The following LANCL1 variants were observed in gnomAD, a reference collection of about 807,000 sequenced individuals.
LANCL1 encodes LanC like glutathione S-transferase 1, also known as glutathione S-transferase LANCL1.
A neutral mutation model predicts 50.6 loss-of-function variants in LANCL1; 50 were observed. The ratio of observed to expected loss-of-function variants is 0.99; its 90% CI spans 0.79 to 1.25. The LOEUF is 1.25. Ranked by LOEUF, LANCL1 falls within the 50% of genes most tolerant of loss-of-function variation. The probability of loss-of-function intolerance (pLI) is 0.00; values close to 1 mark genes in which losing one functional copy is unlikely to be tolerated. For synonymous variants in LANCL1, 188 were observed against 178.6 expected, an observed-to-expected ratio of 1.05 and a Z score of -0.42; for missense variants, 532 against 480.7, an observed-to-expected ratio of 1.11 and a Z score of -1.00.
At chr2:210,446,026 G>A (rs1451662799) in intron 4 of LANCL1, among the ~76,000 whole-genome samples, 1 of 152,194 alleles carries the variant, frequency 6.6e-6, no homozygotes, top group East Asian at 1.9e-4. Context: ...GGTGGCTGTG[G>A]GCACAACTTC....
rs1046950319 is a variant in LANCL1 at position 210,453,095 on chromosome 2, C to T, written c.407+2012G>A. Among the ~76,000 whole-genome samples the T allele has an allele frequency of 3.9e-5, 6 of 152,066 alleles. No homozygotes were observed. In the East Asian group the frequency reaches 1.2e-3, roughly 29 times the overall value. Reference sequence around the variant, plus strand: ...ATAAAATAAAAAATCTGAAAAAAATCAAAGCTATAGCCACAAATAGTGTAT... The same window carrying T: ...ATAAAATAAAAAATCTGAAAAAAATTAAAGCTATAGCCACAAATAGTGTAT... On this transcript the variant is annotated intron_variant, in intron 4 of 9. Coordinates refer to ENST00000450366, the MANE Select transcript of LANCL1 (RefSeq NM_006055.3).
chr2:210,476,536 G>A, intron 1 of LANCL1, 84 bp downstream of exon 1: 1 of 1,411,954 alleles, frequency 7.1e-7, no homozygotes, highest in Non-Finnish European at 9.3e-7. Flanking sequence ...CGTCTCGGCG[G>A]TCCGAGTGGA....
rs75174340 is a variant in LANCL1, at chr2:210,441,354, T to C, written c.497A>G (p.Asn166Ser). The change falls in exon 5 of 10, where the codon AAT (asparagine) becomes AGT (serine). Residue 166 changes from asparagine (N) to serine (S), a missense_variant. Coordinates refer to ENST00000450366, the MANE Select transcript of LANCL1 (RefSeq NM_006055.3). ...IGYIYALLFV[N>S]KNFGVEKIPQ... ...AATCTTTTCCACTCCAAAGTTCTTA[T>C]TGACAAAAAGAAGAGCATAGATGTA... 6 of 1,613,596 alleles carry C rather than the reference T, an allele frequency of 3.7e-6. No homozygotes were observed. Among genetic ancestry groups the C allele is most frequent in the Admixed American group, 1.7e-5 (1 of 60,004 alleles).
chr2:210,436,688 T>C (rs1299544793), intron 7 of LANCL1, among the ~76,000 whole-genome samples: 1 of 152,224 alleles, frequency 6.6e-6, no homozygotes, highest in Non-Finnish European at 1.5e-5. Flanking sequence ...CTTGCTCTTA[T>C]CATGAGTGAC....
At chr2:210,437,028 G>A (rs182546099) in intron 7 of LANCL1, among the ~76,000 whole-genome samples, 58 of 152,214 alleles carry the variant, frequency 3.8e-4, no homozygotes, top group African/African-American at 1.3e-3. Context: ...AGATGCCAGC[G>A]CCCAGCGATA....
intron 4 of LANCL1, among the ~76,000 whole-genome samples, chr2:210,446,245 C>A (rs2105898030): frequency 6.6e-6 from 1 of 152,092 alleles, no homozygotes; most frequent in African/African-American, 2.4e-5. Context: ...CCCTCTGGGA[C>A]AAAGCTTCCA....
intron 3 of LANCL1, among the ~76,000 whole-genome samples, chr2:210,467,467 T>C (rs1694101775): frequency 6.6e-6 from 1 of 152,206 alleles, no homozygotes. Flanking sequence ...TTTATAATGA[T>C]CCACTTCCAC....
chr2:210,436,399 A>C lies in LANCL1; in HGVS notation c.874-7T>G, dbSNP rs968931944. The stretch of plus-strand genomic sequence containing the variant: ...ACTTTTCCTCTCTGAATACCTGCAG[A>C]GGCAAAGGACACATTTTATTATACG... On this transcript the variant is annotated splice_region_variant and splice_polypyrimidine_tract_variant and intron_variant, in intron 7 of 9. Transcript: ENST00000450366. 2.5e-6 allele frequency: 4 copies of C among 1,613,276 alleles called. No individual in the cohort carries two copies. In the South Asian group the frequency reaches 4.4e-5, roughly 18 times the overall value.
At chr2:210,446,871 C>T (rs77344165) in intron 4 of LANCL1, among the ~76,000 whole-genome samples, 1 of 151,854 alleles carries the variant, frequency 6.6e-6, no homozygotes, top group Admixed American at 6.6e-5. Flanking sequence ...ATCAAACCTA[C>T]ATTTGCTGTA....
At chr2:210,435,219 G>GTAT (rs1279136900) in intron 9 of LANCL1, among the ~76,000 whole-genome samples, 168 bp downstream of exon 9, 1 of 152,132 alleles carries the variant, frequency 6.6e-6, no homozygotes, top group Admixed American at 6.5e-5. Context: ...TGGGACTGTG[G>GTAT]TATTACATGT....
At chr2:210,438,385 T>C (rs939972116) in intron 6 of LANCL1, among the ~76,000 whole-genome samples, 3 of 152,300 alleles carry the variant, frequency 2.0e-5, no homozygotes, top group Non-Finnish European at 4.4e-5. Flanking sequence ...TCCGCCCACC[T>C]TGGCCTCCCA....
At chr2:210,434,649 C>CA in intron 9 of LANCL1, 86 bp from the exon 10 acceptor site, 8 of 1,062,954 alleles carry the variant, frequency 7.5e-6, no homozygotes, top group Non-Finnish European at 8.5e-6. Context: ...TCTTTATTGA[C>CA]AAAAAAAGTC....
At chr2:210,451,819 G>C (rs1052861133) in intron 4 of LANCL1, among the ~76,000 whole-genome samples, 1 of 152,088 alleles carries the variant, frequency 6.6e-6, no homozygotes, top group African/African-American at 2.4e-5. Context: ...AAGAAATGTG[G>C]TATATACATA....
At chr2:210,439,411 G>T (rs754901745) in intron 6 of LANCL1, among the ~76,000 whole-genome samples, 5 of 152,132 alleles carry the variant, frequency 3.3e-5, no homozygotes, top group African/African-American at 9.7e-5. Context: ...TTTCGATAAG[G>T]CTGTCTAATC....
chr2:210,476,907 C>T (rs764792760), upstream of LANCL1: 17 of 677,730 alleles, frequency 2.5e-5, no homozygotes, highest in Non-Finnish European at 2.9e-5. Flanking sequence ...GAAGTGAGGA[C>T]CTAGAATCAC....
chr2:210,435,017 AT>A (rs1370824490), intron 9 of LANCL1, among the ~76,000 whole-genome samples: 1 of 152,196 alleles, frequency 6.6e-6, no homozygotes, highest in Non-Finnish European at 1.5e-5. Flanking sequence ...TGGAGAAAGA[AT>A]GGAGCCAGAC....
chr2:210,441,756 C>T (rs1049583079), intron 4 of LANCL1, among the ~76,000 whole-genome samples: 5 of 152,060 alleles, frequency 3.3e-5, no homozygotes, highest in African/African-American at 1.2e-4. Flanking sequence ...TCAAAGAAGC[C>T]AAGAACTGCT....
intron 4 of LANCL1, among the ~76,000 whole-genome samples, chr2:210,445,589 CTAAAAA>C (rs1166589879): frequency 6.6e-6 from 1 of 151,646 alleles, no homozygotes; most frequent in Non-Finnish European, 1.5e-5. Flanking sequence ...AGATATAAGA[CTAAAAA>C]TAAAATATTT....
chr2:210,467,418 T>G (rs1388776785), intron 3 of LANCL1, among the ~76,000 whole-genome samples: 1 of 152,218 alleles, frequency 6.6e-6, no homozygotes, highest in East Asian at 1.9e-4. Context: ...TTTCCTCCTC[T>G]TCCTCAGCCT....
Sources: gnomAD v4.1 joint callset for allele counts (sites outside exome capture counted in the v4.1 genomes callset) on GRCh38, gnomAD v4.1.1 for gene constraint, MANE v1.5 for transcripts, NCBI Gene and HGNC (gene_info 2026-07-23, HGNC 2026-07-21) for gene names.